Variants in VEPH1 observed in about 807,000 individuals in gnomAD.
The protein encoded by VEPH1 is ventricular zone-expressed PH domain-containing protein homolog 1.
Under a neutral mutation model 85.2 loss-of-function variants are expected in VEPH1, and 80 were observed. That is an observed-to-expected ratio of 0.94 (90% confidence interval 0.78 to 1.13). The LOEUF is 1.13. VEPH1 is among the 50% of genes most tolerant of loss of function. The pLI is 0.00. For missense variants in VEPH1, 955 were observed against 980.5 expected (o/e 0.97, Z 0.35); for synonymous variants, 297 against 348.0 (o/e 0.85, Z 1.63).
intron 4 of VEPH1, among the ~76,000 whole-genome samples, chr3:157,451,173 T>C (rs1207545448): frequency 6.6e-6 from 1 of 152,226 alleles, no homozygotes; most frequent in Non-Finnish European, 1.5e-5. Flanking sequence ...CTGTTCTTTG[T>C]ATATTTGTTA....
chr3:157,313,777 A>G (rs931317368), intron 10 of VEPH1, 22 bp from the exon 11 acceptor site: 20 of 1,613,732 alleles, frequency 1.2e-5, no homozygotes, highest in Non-Finnish European at 1.7e-5. Context: ...TTAAAGACAG[A>G]AACAGAATAT....
chr3:157,442,360 C>G (rs769864312), intron 4 of VEPH1: 5 of 1,597,944 alleles, frequency 3.1e-6, no homozygotes, highest in Middle Eastern at 1.7e-4. Context: ...TTTCTTGCTA[C>G]TCTAGGTTGT....
At chr3:157,334,365 C>T (rs2108615895) in intron 9 of VEPH1, among the ~76,000 whole-genome samples, 1 of 152,320 alleles carries the variant, frequency 6.6e-6, no homozygotes, top group South Asian at 2.1e-4. Flanking sequence ...TTCAGTTCTT[C>T]AGGCTACAGG....
intron 5 of VEPH1, among the ~76,000 whole-genome samples, chr3:157,427,721 T>C (rs1435936596): frequency 6.6e-6 from 1 of 152,196 alleles, no homozygotes; most frequent in Admixed American, 6.5e-5. Flanking sequence ...TCCCAAAATG[T>C]TGAAATTACA....
chr3:157,278,534 A>G (rs944709068), intron 12 of VEPH1, among the ~76,000 whole-genome samples: 1 of 152,210 alleles, frequency 6.6e-6, no homozygotes, highest in South Asian at 2.1e-4. Flanking sequence ...CTAAGATTTC[A>G]TGCAAGGGGT....
At chr3:157,353,315 C>T (rs1389580157) in intron 9 of VEPH1, among the ~76,000 whole-genome samples, 1 of 151,788 alleles carries the variant, frequency 6.6e-6, no homozygotes, top group Non-Finnish European at 1.5e-5. Flanking sequence ...TTCTGTTGCC[C>T]AGGCTGGAGT....
At chr3:157,278,363 A>C (rs1715670105) in intron 12 of VEPH1, among the ~76,000 whole-genome samples, 1 of 152,246 alleles carries the variant, frequency 6.6e-6, no homozygotes, top group Admixed American at 6.5e-5. Flanking sequence ...GAAGAAGTAC[A>C]GTGAGTCTGA....
chr3:157,366,225 C>A (rs1314981789), intron 7 of VEPH1, among the ~76,000 whole-genome samples: 1 of 152,096 alleles, frequency 6.6e-6, no homozygotes, highest in Admixed American at 6.6e-5. Flanking sequence ...AATATATTCA[C>A]CAAGATGGTC....
chr3:157,290,919 T>G (rs536183347), intron 11 of VEPH1, among the ~76,000 whole-genome samples: 65 of 152,322 alleles, frequency 4.3e-4, no homozygotes, highest in Non-Finnish European at 7.5e-4. Context: ...CACTGACAAA[T>G]GACAGCATGA....
intron 4 of VEPH1, chr3:157,459,802 A>G: frequency 6.7e-7 from 1 of 1,484,484 alleles, no homozygotes; most frequent in Admixed American, 2.4e-5. Context: ...TTGCTTTTGG[A>G]AGCAAATGAA....
intron 5 of VEPH1, among the ~76,000 whole-genome samples, chr3:157,426,692 T>C (rs1256249103): frequency 6.6e-6 from 1 of 152,208 alleles, no homozygotes; most frequent in East Asian, 1.9e-4. Context: ...TAAAGTTAAG[T>C]GTAGGTCTTT....
rs749989811 is a variant in VEPH1 at position 157,313,649 on chromosome 3, A to G, written c.1982T>C (p.Met661Thr). ...CTGCTGTGGAAACGTGGACTCCATC[A>G]TGGCAGTTTCAAAGCTGTGAGCACC... ...AGGAHSFETA[M>T]MESTFPQQKD... The change falls in exon 11 of 14, where the codon ATG becomes ACG. Residue 661 changes from methionine (M) to threonine (T), a missense_variant. Met to Thr is a moderately conservative substitution (Grantham distance 81). Transcript: ENST00000362010. 6.2e-7 allele frequency: 1 copy of G among 1,614,078 alleles called. No individual in the cohort carries two copies. Among genetic ancestry groups the G allele is most frequent in the African/African-American group, 1.3e-5 (1 of 74,940 alleles).
chr3:157,412,789 A>G, intron 6 of VEPH1, among the ~76,000 whole-genome samples: 1 of 152,154 alleles, frequency 6.6e-6, no homozygotes, highest in Non-Finnish European at 1.5e-5. Flanking sequence ...CTGGGAAGCT[A>G]GAGGAGAAAG....
At chr3:157,452,824 T>C (rs1735084008) in intron 4 of VEPH1, among the ~76,000 whole-genome samples, 1 of 152,218 alleles carries the variant, frequency 6.6e-6, no homozygotes, top group Non-Finnish European at 1.5e-5. Flanking sequence ...TACAAAATGA[T>C]ATAGTGGACA....
chr3:157,491,189 G>A (rs1014807087), intron 2 of VEPH1, among the ~76,000 whole-genome samples: 22 of 152,128 alleles, frequency 1.4e-4, no homozygotes, highest in Non-Finnish European at 2.9e-5. Context: ...GACATGCAGG[G>A]ATTTTCAATT....
rs761761440 is a variant in VEPH1 at position 157,450,048 on chromosome 3, C to CTTTT, written c.529+10129_529+10132dup. ...CTTAAAATTGACTGGAGAATATTTACTTTTTTTTTTTTTTTTTTTTTTTTT... is the reference window on the plus strand; with the variant it reads ...CTTAAAATTGACTGGAGAATATTTACTTTTTTTTTTTTTTTTTTTTTTTTTTTTT... On this transcript the variant is annotated intron_variant, in intron 4 of 13. Coordinates refer to ENST00000362010, the MANE Select transcript of VEPH1 (RefSeq NM_001167912.2). Among the ~76,000 whole-genome samples, 101 of 77,306 alleles carry CTTTT rather than the reference C, an allele frequency of 1.3e-3. 2 individuals carry two copies. Among genetic ancestry groups the CTTTT allele is most frequent in the Middle Eastern group, 0.01 (1 of 100 alleles). The allele number at this position is 77,306 out of a possible 152,430, so 50.7% of individuals were successfully genotyped here. A position where few individuals can be genotyped will look rare whatever the true frequency, so the allele number is the denominator to read the frequency against.
intron 4 of VEPH1, chr3:157,436,975 A>C: frequency 6.2e-7 from 1 of 1,613,992 alleles, no homozygotes; most frequent in Non-Finnish European, 8.5e-7. Context: ...TCTGGTCTGC[A>C]GTGTTGGCCG....
intron 2 of VEPH1, among the ~76,000 whole-genome samples, chr3:157,485,048 A>G (rs564132763): frequency 6.6e-4 from 101 of 152,320 alleles, no homozygotes; most frequent in African/African-American, 2.3e-3. Flanking sequence ...TTTAGGTTCC[A>G]TATAGTGCCC....
intron 1 of VEPH1, among the ~76,000 whole-genome samples, chr3:157,495,986 G>T (rs889462474): frequency 6.6e-6 from 1 of 152,188 alleles, no homozygotes; most frequent in African/African-American, 2.4e-5. Flanking sequence ...GGGCTGCCTT[G>T]CTACGCTAGC....
Sources: gnomAD v4.1 joint callset for allele counts (sites outside exome capture counted in the v4.1 genomes callset) on GRCh38, gnomAD v4.1.1 for gene constraint, MANE v1.5 for transcripts, NCBI Gene and HGNC (gene_info 2026-07-23, HGNC 2026-07-21) for gene names.